Variants in LRBA observed in about 807,000 individuals in gnomAD.
LRBA encodes the protein lipopolysaccharide-responsive and beige-like anchor protein.
Under a neutral mutation model 330.0 loss-of-function variants are expected in LRBA, and 176 were observed. The observed-to-expected ratio is 0.53, with a 90% CI of 0.47 to 0.60. The LOEUF (loss-of-function observed/expected upper bound fraction) is 0.60, where lower values mean the gene tolerates loss of function less well. LRBA is among the 20% of genes least tolerant of loss of function. The pLI, the probability that LRBA is intolerant of heterozygous loss-of-function variation, is 0.00. For missense variants in LRBA, 3,259 were observed against 3,444.8 expected, an observed-to-expected ratio of 0.95 and a Z score of 1.35; for synonymous variants, 1,230 against 1,193.0, an observed-to-expected ratio of 1.03 and a Z score of -0.64.
At chr4:150,929,808 A>C (rs1211770130) in intron 2 of LRBA, among the ~76,000 whole-genome samples, 1 of 152,008 alleles carries the variant, frequency 6.6e-6, no homozygotes, top group Non-Finnish European at 1.5e-5. Flanking sequence ...TTTTTAAATA[A>C]ATTTTTTTAA....
intron 8 of LRBA, among the ~76,000 whole-genome samples, chr4:150,915,281 G>A (rs1034477383): frequency 6.6e-6 from 1 of 152,008 alleles, no homozygotes; most frequent in Non-Finnish European, 1.5e-5. Flanking sequence ...TTATAAGCAT[G>A]CATCATTTAA....
At chr4:150,407,052 G>C (rs1360500065) in intron 47 of LRBA, among the ~76,000 whole-genome samples, 3 of 152,272 alleles carry the variant, frequency 2.0e-5, no homozygotes, top group Middle Eastern at 6.8e-3. Context: ...CAAAGTGCTG[G>C]GATTACAGGC....
chr4:150,815,571 A>G (rs1419405378), intron 31 of LRBA, among the ~76,000 whole-genome samples: 1 of 151,964 alleles, frequency 6.6e-6, no homozygotes, highest in Non-Finnish European at 1.5e-5. Flanking sequence ...TTTGGAAAAA[A>G]TTATAAAATA....
chr4:150,769,353 CAGAG>C (rs1326696350), intron 34 of LRBA, among the ~76,000 whole-genome samples: 1 of 151,696 alleles, frequency 6.6e-6, no homozygotes, highest in Non-Finnish European at 1.5e-5. Flanking sequence ...GACACAGAGA[CAGAG>C]AGAGAAAGAG....
At chr4:150,914,586 C>A (rs1732376572) in intron 8 of LRBA, among the ~76,000 whole-genome samples, 1 of 152,094 alleles carries the variant, frequency 6.6e-6, no homozygotes, top group African/African-American at 2.4e-5. Flanking sequence ...TCCCTGCATC[C>A]TATGCCACTG....
chr4:150,850,712 A>G lies in LRBA; in HGVS notation c.4004+12T>C. The G allele has an allele frequency of 1.9e-6, 3 of 1,572,656 alleles. No individual in the cohort carries two copies. The highest frequency in any genetic ancestry group is 2.6e-6 in the Non-Finnish European group (3 of 1,147,184). The stretch of plus-strand genomic sequence containing the variant: ...TTTATACACATCTTCCATAATAAAC[A>G]TATAGACAAACCTTCTCCACATCTG... On this transcript the variant is annotated intron_variant, in intron 24 of 56. Coordinates refer to ENST00000651943, the MANE Select transcript of LRBA (RefSeq NM_001364905.1).
At chr4:150,318,947 T>A (rs1005252659) in intron 50 of LRBA, among the ~76,000 whole-genome samples, 3 of 152,124 alleles carry the variant, frequency 2.0e-5, no homozygotes, top group Non-Finnish European at 4.4e-5. Flanking sequence ...GCAGTGAGAC[T>A]CTACCCCTAA....
At chr4:150,458,110 C>T (rs1754312818) in intron 44 of LRBA, among the ~76,000 whole-genome samples, 2 of 151,892 alleles carry the variant, frequency 1.3e-5, no homozygotes, top group Non-Finnish European at 2.9e-5. Context: ...GTAGAATTAA[C>T]GTCTGTTAGA....
At chr4:150,634,644 T>G (rs936462364) in intron 37 of LRBA, among the ~76,000 whole-genome samples, 1 of 152,202 alleles carries the variant, frequency 6.6e-6, no homozygotes, top group Non-Finnish European at 1.5e-5. Flanking sequence ...ATATTTCTTC[T>G]TTGCATTCTT....
At position 150,487,811 on chromosome 4, in the gene LRBA, C is replaced by T. The variant is rs145663124; in HGVS notation, c.6472G>A (p.Asp2158Asn). Reference sequence around the variant, plus strand: ...ACCACTTTCTTTACTGTTGCAGGGTCTGGGAAGTTGAACATCACAGCAACT... The same window carrying T: ...ACCACTTTCTTTACTGTTGCAGGGTTTGGGAAGTTGAACATCACAGCAACT... ...NRVAVMFNFP[D>N]PATVKKVVNY... is the part of the protein sequence containing the mutation. Residue 2158 changes from aspartate (D) to asparagine (N), a missense_variant, in exon 42 of 57, where the codon GAC (aspartate) becomes AAC (asparagine). Physicochemically the swap from Asp to Asn is conservative, Grantham distance 23 (BLOSUM62 1). Coordinates refer to ENST00000651943, the MANE Select transcript of LRBA (RefSeq NM_001364905.1). 8.1e-5 allele frequency: 129 copies of T among 1,590,478 alleles called. No individual in the cohort carries two copies. In the African/African-American group the frequency reaches 1.6e-3, roughly 20 times the overall value.
At chr4:150,502,316 A>G (rs2152119097) in intron 40 of LRBA, among the ~76,000 whole-genome samples, 1 of 152,306 alleles carries the variant, frequency 6.6e-6, no homozygotes, top group South Asian at 2.1e-4. Context: ...GTTCTCCCTA[A>G]AAATCTTAAA....
chr4:150,620,043 A>G (rs977243085), intron 37 of LRBA, among the ~76,000 whole-genome samples: 1 of 152,182 alleles, frequency 6.6e-6, no homozygotes, highest in African/African-American at 2.4e-5. Flanking sequence ...GTAAAAAGAA[A>G]TTTGCTAAAC....
chr4:150,415,325 C>A, intron 47 of LRBA, 113 bp downstream of exon 47: 1 of 791,406 alleles, frequency 1.3e-6, no homozygotes, highest in Non-Finnish European at 2.0e-6. Flanking sequence ...TCAGTTAGTC[C>A]TATCACCTAC....
intron 46 of LRBA, among the ~76,000 whole-genome samples, chr4:150,419,441 C>T (rs1748268009): frequency 6.6e-6 from 1 of 152,072 alleles, no homozygotes; most frequent in South Asian, 2.1e-4. Context: ...AGCCTGGACT[C>T]TCATTCAAGC....
At chr4:150,742,423 T>C (rs1378394165) in intron 35 of LRBA, among the ~76,000 whole-genome samples, 2 of 152,072 alleles carry the variant, frequency 1.3e-5, no homozygotes, top group African/African-American at 4.8e-5. Flanking sequence ...GCTGAAATTA[T>C]GGGCATGAAC....
intron 34 of LRBA, among the ~76,000 whole-genome samples, chr4:150,787,902 G>A (rs538314138): frequency 2.0e-5 from 3 of 152,220 alleles, no homozygotes; most frequent in South Asian, 2.1e-4. Context: ...CAACAAACAC[G>A]GAAGCGCAAA....
At chr4:150,730,483 G>C (rs968622744) in intron 36 of LRBA, among the ~76,000 whole-genome samples, 1 of 152,000 alleles carries the variant, frequency 6.6e-6, no homozygotes, top group Admixed American at 6.6e-5. Flanking sequence ...AGGAGTTTGG[G>C]ACCAGCCTGG....
chr4:150,622,672 A>G (rs1217765973), intron 37 of LRBA, among the ~76,000 whole-genome samples: 2 of 147,898 alleles, frequency 1.4e-5, no homozygotes, highest in Non-Finnish European at 3.0e-5. Flanking sequence ...TGAAGACAAC[A>G]GTCACCTAAA....
intron 48 of LRBA, among the ~76,000 whole-genome samples, chr4:150,340,893 G>A (rs886802207): frequency 6.6e-6 from 1 of 152,168 alleles, no homozygotes; most frequent in African/African-American, 2.4e-5. Flanking sequence ...TGAGATCAGG[G>A]AGGTATGCAG....
Sources: gnomAD v4.1 joint callset for allele counts (sites outside exome capture counted in the v4.1 genomes callset) on GRCh38, gnomAD v4.1.1 for gene constraint, MANE v1.5 for transcripts, NCBI Gene and HGNC (gene_info 2026-07-23, HGNC 2026-07-21) for gene names.